The following UGT1A7 variants were observed in gnomAD, a reference collection of about 807,000 sequenced individuals.
UGT1A7 encodes UDP-glucuronosyltransferase 1A7.
A neutral mutation model predicts 45.6 loss-of-function variants in UGT1A7; 33 were observed. The observed-to-expected ratio is 0.72, with a 90% CI of 0.55 to 0.97. The LOEUF (loss-of-function observed/expected upper bound fraction) is 0.97, where lower values mean the gene tolerates loss of function less well. Ranked by LOEUF, UGT1A7 falls within the 50% of genes least tolerant of loss-of-function variation. The pLI is 0.00. For synonymous variants in UGT1A7, 274 were observed against 250.6 expected (o/e 1.09, Z -0.88); for missense variants, 684 against 666.2 (o/e 1.03, Z -0.29).
At chr2:233,725,483 GCAAAAAGAAACCA>G (rs2077451609) in intron 1 of UGT1A7, among the ~76,000 whole-genome samples, 1 of 151,876 alleles carries the variant, frequency 6.6e-6, no homozygotes, top group Admixed American at 6.6e-5. Flanking sequence ...TTAGAAACCA[GCAAAAAGAAACCA>G]CTGAAATTAA....
chr2:233,729,797 G>C (rs1376720200), intron 1 of UGT1A7: 2 of 1,613,908 alleles, frequency 1.2e-6, no homozygotes, highest in South Asian at 2.2e-5. Context: ...TCCTACATTT[G>C]CCATGCTTTT....
intron 1 of UGT1A7, among the ~76,000 whole-genome samples, chr2:233,716,096 A>G (rs1349489999): frequency 6.6e-6 from 1 of 152,160 alleles, no homozygotes; most frequent in African/African-American, 2.4e-5. Context: ...CATTCCTTTA[A>G]CAGAAATTTA....
At chr2:233,699,283 A>T (rs537298659) in intron 1 of UGT1A7, among the ~76,000 whole-genome samples, 2 of 152,194 alleles carry the variant, frequency 1.3e-5, no homozygotes, top group South Asian at 4.1e-4. Context: ...TCCAGGCCAG[A>T]TGCTGGGACA....
At position 233,691,298 on chromosome 2, in the gene UGT1A7, A is replaced by G. The variant is rs754901795; in HGVS notation, c.855+8506A>G. ...TGACTTTGATCATTGTAAGCTGCCA[A>G]TCCTCTTGGGAGGCTGCTCCCAGCT... On this transcript the variant is annotated intron_variant, in intron 1 of 4. Transcript: ENST00000373426. The G allele has an allele frequency of 4.3e-4, 423 of 985,386 alleles. 1 individual carries two copies. Among genetic ancestry groups the G allele is most frequent in the Non-Finnish European group, 4.9e-4 (407 of 829,986 alleles). 61.0% of individuals were successfully genotyped at this position (985,386 alleles called of 1,614,324 possible).
intron 1 of UGT1A7, chr2:233,721,920 A>G: frequency 2.5e-6 from 1 of 407,420 alleles, no homozygotes; most frequent in South Asian, 1.9e-5. Context: ...TGCTTCCATA[A>G]AGTGACATCC....
At position 233,740,893 on chromosome 2, in the gene UGT1A7, T is replaced by C. The variant is rs1014621537; in HGVS notation, c.856-26141T>C. 52 of 150,244 alleles carry C rather than the reference T, an allele frequency of 3.5e-4. 1 individual carries two copies. Among genetic ancestry groups the C allele is most frequent in the African/African-American group, 1.2e-3 (48 of 39,828 alleles). 9.3% of individuals were successfully genotyped at this position (150,244 alleles called of 1,614,324 possible). A position where few individuals can be genotyped will look rare whatever the true frequency, so the allele number is the denominator to read the frequency against. The stretch of plus-strand genomic sequence containing the variant: ...ATAAAATGCTCTTGCAGGGACAACA[T>C]AGTAGGTCAACATTGTTCCCATCTC... On this transcript the variant is annotated intron_variant, in intron 1 of 4. Transcript: ENST00000373426.
At chr2:233,693,697 A>T (rs1427755999) in intron 1 of UGT1A7, 1 of 1,614,050 alleles carries the variant, frequency 6.2e-7, no homozygotes, top group Admixed American at 1.7e-5. Flanking sequence ...AGTATGAAGA[A>T]CTCGCATCAG....
chr2:233,695,130 C>CTTTCTTTTTTTTT lies in UGT1A7; in HGVS notation c.855+12341_855+12342insCTTTTTTTTTTTT, dbSNP rs1364557158. ...GCCCATTAACCAACCCTTTTCTTTT[C>CTTTCTTTTTTTTT]TTTTTTTTTTTTTTGAGACAGAGTC... On this transcript the variant is annotated intron_variant, in intron 1 of 4. Coordinates refer to ENST00000373426, the MANE Select transcript of UGT1A7 (RefSeq NM_019077.3). Among the ~76,000 whole-genome samples the CTTTCTTTTTTTTT allele has an allele frequency of 2.6e-4, 36 of 138,832 alleles. 1 individual carries two copies. The highest frequency in any genetic ancestry group is 2.4e-4 in the African/African-American group (9 of 36,850). 91.1% of individuals were successfully genotyped at this position (138,832 alleles called of 152,430 possible).
intron 1 of UGT1A7, chr2:233,719,540 G>A (rs1488835292): frequency 1.9e-6 from 3 of 1,613,770 alleles, no homozygotes; most frequent in Non-Finnish European, 1.7e-6. Flanking sequence ...AGCTTTTTCA[G>A]AGAGAGGTGT....
chr2:233,740,112 A>C (rs1691308174), intron 1 of UGT1A7, among the ~76,000 whole-genome samples: 1 of 151,796 alleles, frequency 6.6e-6, no homozygotes, highest in African/African-American at 2.4e-5. Context: ...GCCTTTGCTT[A>C]TCTCTCACCT....
Position 233,691,503 on chromosome 2 carries a change from C to T in UGT1A7, c.855+8711C>T, listed in dbSNP as rs1435910007. Reference sequence around the variant, plus strand: ...ACTTGTGGGTGGGAACAGGAACTCGCGTGCCAGCCAGGTGTGCATGACTAG... The same window carrying T: ...ACTTGTGGGTGGGAACAGGAACTCGTGTGCCAGCCAGGTGTGCATGACTAG... On this transcript the variant is annotated intron_variant, in intron 1 of 4. Transcript: ENST00000373426. 2.1e-5 allele frequency: 21 copies of T among 985,612 alleles called. No individual in the cohort carries two copies. The South Asian group carries it at 3.8e-4, about 18-fold the overall frequency. The allele number at this position is 985,612 out of a possible 1,614,324, so 61.1% of individuals were successfully genotyped here. A position where few individuals can be genotyped will look rare whatever the true frequency, so the allele number is the denominator to read the frequency against.
intron 1 of UGT1A7, among the ~76,000 whole-genome samples, chr2:233,750,390 A>T (rs1292559370): frequency 3.9e-5 from 6 of 151,942 alleles, no homozygotes; most frequent in Admixed American, 2.0e-4. Context: ...AAGTTTGGAA[A>T]ATTTGCAGCC....
chr2:233,698,201 C>T (rs1027505391), intron 1 of UGT1A7, among the ~76,000 whole-genome samples: 2 of 152,102 alleles, frequency 1.3e-5, no homozygotes, highest in Non-Finnish European at 2.9e-5. Flanking sequence ...TATCAACATG[C>T]ACTTTTAATT....
chr2:233,734,795 T>G (rs1470883191), intron 1 of UGT1A7, among the ~76,000 whole-genome samples: 1 of 152,214 alleles, frequency 6.6e-6, no homozygotes, highest in Non-Finnish European at 1.5e-5. Context: ...CAGGAGCAGG[T>G]TGTTCAGTTT....
At chr2:233,690,624 G>A (rs2075000515) in intron 1 of UGT1A7, 1 of 1,289,022 alleles carries the variant, frequency 7.8e-7, no homozygotes, top group Admixed American at 2.3e-5. Context: ...GGACACTCAA[G>A]TGATACCTGA....
At chr2:233,713,913 A>G in intron 1 of UGT1A7, 1 of 1,612,556 alleles carries the variant, frequency 6.2e-7, no homozygotes, top group Non-Finnish European at 8.5e-7. Context: ...CTTTTTAAAA[A>G]ATGTATTTAC....
Position 233,769,847 on chromosome 2 carries a change from G to C in UGT1A7, c.1295+1408G>C. On this transcript the variant is annotated intron_variant, in intron 4 of 4. Transcript: ENST00000373426. The surrounding 1 kb of genome is among the most constrained non-coding windows in gnomAD (Gnocchi z 4.4). Reference sequence around the variant, plus strand: ...TCCAGCAACCTGGGCAACAGAGTGAGACCCTGTCTCAAAAAAAAAAAAAAA... The same window carrying C: ...TCCAGCAACCTGGGCAACAGAGTGACACCCTGTCTCAAAAAAAAAAAAAAA... 1 of 475,506 alleles carries C rather than the reference G, an allele frequency of 2.1e-6. No homozygotes were observed. The highest frequency in any genetic ancestry group is 3.3e-6 in the Non-Finnish European group (1 of 298,626). The allele number at this position is 475,506 out of a possible 1,614,324, so 29.5% of individuals were successfully genotyped here.
intron 1 of UGT1A7, among the ~76,000 whole-genome samples, chr2:233,727,559 C>G (rs1406536864): frequency 6.6e-6 from 1 of 152,176 alleles, no homozygotes; most frequent in Non-Finnish European, 1.5e-5. Flanking sequence ...CTGGGCTCAT[C>G]ATGAGGGTGC....
chr2:233,706,134 A>C (rs1160537015), intron 1 of UGT1A7, among the ~76,000 whole-genome samples: 3 of 152,196 alleles, frequency 2.0e-5, no homozygotes, highest in Non-Finnish European at 4.4e-5. Context: ...ACAGCAAAGT[A>C]TTAAACAAAG....
Sources: allele counts gnomAD v4.1 joint callset (sites outside exome capture counted in the v4.1 genomes callset), GRCh38; gene constraint gnomAD v4.1.1; non-coding constraint Gnocchi (gnomAD v3.1); transcripts MANE v1.5; gene names NCBI Gene and HGNC (gene_info 2026-07-23, HGNC 2026-07-21).